SAP130: variants seen among roughly 807,000 people sequenced by gnomAD.
The protein encoded by SAP130 is histone deacetylase complex subunit SAP130.
In SAP130, 16 loss-of-function variants were observed where a neutral mutation model predicts 103.2. The observed-to-expected ratio is 0.16, with a 90% confidence interval of 0.10 to 0.24. SAP130 has a LOEUF of 0.24. SAP130 is among the 10% of genes least tolerant of loss of function. SAP130 has a pLI of 1.00. For synonymous variants in SAP130, 477 were observed against 497.0 expected (o/e 0.96, Z 0.53); for missense variants, 990 against 1,359.7 (o/e 0.73, Z 4.28).
chr2:127,960,340 T>C (rs182558369), intron 15 of SAP130, among the ~76,000 whole-genome samples: 2 of 151,904 alleles, frequency 1.3e-5, no homozygotes, highest in South Asian at 2.1e-4. Flanking sequence ...GGGCACCGAG[T>C]CCAGACAGGC....
At chr2:127,978,371 A>G (rs1681625120) in intron 14 of SAP130, among the ~76,000 whole-genome samples, 2 of 152,070 alleles carry the variant, frequency 1.3e-5, no homozygotes, top group African/African-American at 2.4e-5. Flanking sequence ...TGACTCTTTT[A>G]GCCGCTGCTT....
intron 2 of SAP130, among the ~76,000 whole-genome samples, chr2:128,018,942 A>G (rs2105223630): frequency 6.6e-6 from 1 of 152,086 alleles, no homozygotes; most frequent in Middle Eastern, 3.4e-3. Context: ...CTAAAAATAC[A>G]AAAAAATTAG....
chr2:128,021,048 G>GT (rs1354248660), intron 2 of SAP130, among the ~76,000 whole-genome samples: 2 of 152,140 alleles, frequency 1.3e-5, no homozygotes, highest in East Asian at 3.9e-4. Context: ...TAAAATCACT[G>GT]TATCATTGAT....
At chr2:128,026,411 G>A in intron 1 of SAP130, 113 bp from the exon 2 acceptor site, 1 of 672,716 alleles carries the variant, frequency 1.5e-6, no homozygotes, top group Admixed American at 2.5e-5. Flanking sequence ...AGCAAATGCT[G>A]CATCATTTAT....
intron 14 of SAP130, among the ~76,000 whole-genome samples, chr2:127,984,968 C>T (rs1392871374): frequency 6.6e-6 from 1 of 152,176 alleles, no homozygotes; most frequent in Non-Finnish European, 1.5e-5. Flanking sequence ...CCAGGATTTG[C>T]CTGTTGTTGG....
At chr2:128,005,920 A>T (rs1683939405) in intron 7 of SAP130, among the ~76,000 whole-genome samples, 1 of 152,180 alleles carries the variant, frequency 6.6e-6, no homozygotes, top group South Asian at 2.1e-4. Flanking sequence ...ATGAGCCACC[A>T]TGCCTGGCCA....
intron 13 of SAP130, among the ~76,000 whole-genome samples, 189 bp from the exon 14 acceptor site, chr2:127,987,151 C>G (rs1682461698): frequency 6.6e-6 from 1 of 152,198 alleles, no homozygotes; most frequent in Non-Finnish European, 1.5e-5. Flanking sequence ...GGAGCAGTTA[C>G]TAAGTCTACT....
chr2:128,023,763 T>C (rs1367222609), intron 2 of SAP130, among the ~76,000 whole-genome samples: 1 of 152,064 alleles, frequency 6.6e-6, no homozygotes, highest in Non-Finnish European at 1.5e-5. Context: ...GGAGACAGAG[T>C]GAGACTCCGT....
chr2:128,020,950 T>A (rs1435970140), intron 2 of SAP130, among the ~76,000 whole-genome samples: 4 of 151,966 alleles, frequency 2.6e-5, no homozygotes, highest in Non-Finnish European at 4.4e-5. Context: ...GAGCCAAGAC[T>A]GTGCACTCCA....
At chr2:127,999,616 G>GAA (rs67585632) in intron 10 of SAP130, 125 bp downstream of exon 10, 1,417 of 369,252 alleles carry the variant, frequency 3.8e-3, no homozygotes, top group Non-Finnish European at 4.3e-3. Context: ...AAAAAGAAAA[G>GAA]AAAAAAAAAA....
rs537292726 is a variant in SAP130 at position 128,004,477 on chromosome 2, G to A, written c.870-4023C>T. Among the ~76,000 whole-genome samples, 31 of 145,860 alleles carry A rather than the reference G, an allele frequency of 2.1e-4. No homozygotes were observed. The East Asian group carries it at 5.4e-3, about 25-fold the overall frequency. On this transcript the variant is annotated intron_variant, in intron 7 of 20. Transcript: ENST00000643581. ...CCTGCCTCAGCCTCCCAAAGTGTAC[G>A]ATTACAGACATGAGCCACCCTGCCC...
At chr2:127,993,103 C>T in intron 12 of SAP130, 84 bp downstream of exon 12, 1 of 1,492,320 alleles carries the variant, frequency 6.7e-7, no homozygotes. Context: ...TAATCTCATA[C>T]AAAAAATAAC....
At chr2:127,993,331 C>T (rs1055932119) in intron 11 of SAP130, 23 bp from the exon 12 acceptor site, 1 of 1,584,012 alleles carries the variant, frequency 6.3e-7, no homozygotes, top group Admixed American at 1.9e-5. Context: ...CAGATGATAG[C>T]AAACAAAATA....
chr2:127,951,719 C>T (rs765813040), intron 16 of SAP130, among the ~76,000 whole-genome samples: 12 of 152,204 alleles, frequency 7.9e-5, no homozygotes, highest in African/African-American at 4.8e-5. Flanking sequence ...TCTGCACCTA[C>T]GCAACTGAAT....
intron 1 of SAP130, chr2:128,027,310 CCT>C: frequency 1.7e-6 from 2 of 1,158,496 alleles, no homozygotes. Context: ...CGAACCTGCC[CCT>C]GCCTCCCCCG....
rs1042175275 is a variant in SAP130 at position 127,953,928 on chromosome 2, TC to T, written c.2422+1057del. 1.8e-4 allele frequency among the ~76,000 whole-genome samples: 28 copies of T among 152,302 alleles called. No homozygotes were observed. The highest frequency in any genetic ancestry group is 6.5e-4 in the African/African-American group (27 of 41,570). ...ATTTAGTCATCTTTTTGCTTTTGTCTCCCTTGCTAGAATGTAAGACCTAAGA... is the reference window on the plus strand; with the variant it reads ...ATTTAGTCATCTTTTTGCTTTTGTCTCCTTGCTAGAATGTAAGACCTAAGA... On this transcript the variant is annotated intron_variant, in intron 16 of 20. Transcript: ENST00000643581. This position sits in a 1 kb window ranked among gnomAD's most constrained non-coding sequence, Gnocchi z 4.0.
chr2:128,009,533 C>T (rs1684230148), intron 7 of SAP130, among the ~76,000 whole-genome samples: 1 of 152,148 alleles, frequency 6.6e-6, no homozygotes, highest in African/African-American at 2.4e-5. Flanking sequence ...TTTCATCTCT[C>T]CTACATGCTG....
At chr2:127,976,548 C>T (rs1347916595) in intron 15 of SAP130, among the ~76,000 whole-genome samples, 3 of 152,100 alleles carry the variant, frequency 2.0e-5, no homozygotes, top group African/African-American at 7.2e-5. Flanking sequence ...ACTAACATGG[C>T]AAACTATTAC....
rs1678740330 is a variant in SAP130 at position 127,941,948 on chromosome 2, C to CCCCA, written c.*54_*57dup. The CCCCA allele has an allele frequency of 7.2e-6, 2 of 279,538 alleles. No individual in the cohort carries two copies. The highest frequency in any genetic ancestry group is 5.2e-5 in the South Asian group (2 of 38,634). 17.3% of individuals were successfully genotyped at this position (279,538 alleles called of 1,614,324 possible). A position where few individuals can be genotyped will look rare whatever the true frequency, so the allele number is the denominator to read the frequency against. On this transcript the variant is annotated 3_prime_UTR_variant, in exon 21 of 21. Transcript: ENST00000643581. ...ACTTTGGAAAAAACCAAAACCCTCC[C>CCCCA]CCCACCCCCACCATCATTCTTCATA...
Sources: gnomAD v4.1 joint callset for allele counts (sites outside exome capture counted in the v4.1 genomes callset) on GRCh38, gnomAD v4.1.1 for gene constraint, Gnocchi (gnomAD v3.1) non-coding constraint, MANE v1.5 for transcripts, NCBI Gene and HGNC (gene_info 2026-07-23, HGNC 2026-07-21) for gene names.